Variants in ZNF528 observed in about 807,000 individuals in gnomAD.
The protein encoded by ZNF528 is zinc finger protein 528.
In ZNF528, 9 loss-of-function variants were observed where a neutral mutation model predicts 13.3. The ratio of observed to expected loss-of-function variants is 0.67; its 90% CI spans 0.41 to 1.18. The LOEUF is 1.18. Ranked by LOEUF, ZNF528 falls within the 50% of genes most tolerant of loss-of-function variation. The pLI is 0.01. For missense variants in ZNF528, 858 were observed against 745.4 expected, an observed-to-expected ratio of 1.15 and a Z score of -1.76; for synonymous variants, 264 against 254.3, an observed-to-expected ratio of 1.04 and a Z score of -0.36.
rs768040541 is a variant in ZNF528, at chr19:52,415,324, C to CA, written c.473dup (p.His158GlnfsTer5). 8 of 1,612,146 alleles carry CA rather than the reference C, an allele frequency of 5.0e-6. No individual in the cohort carries two copies. Among genetic ancestry groups the CA allele is most frequent in the Non-Finnish European group, 6.8e-6 (8 of 1,179,474 alleles). On this transcript the variant is annotated frameshift_variant, in exon 7 of 7. Coordinates refer to ENST00000360465, the MANE Select transcript of ZNF528 (RefSeq NM_032423.3). LOFTEE classifies it low-confidence loss of function (END_TRUNC). ...AAAAATTTCTTCCAGTGTCAAATCC[C>CA]ACCTTTTAAATAAATATAGAAATAA... is the stretch of plus-strand genomic sequence containing the variant.
chr19:52,414,301 C>T (rs1223725115), intron 6 of ZNF528: 1 of 702,526 alleles, frequency 1.4e-6, no homozygotes, highest in Admixed American at 2.0e-5. Flanking sequence ...TTCTGGGTCA[C>T]CAGTTGCCAC....
At chr19:52,400,687 T>C (rs1347084350) in intron 2 of ZNF528, among the ~76,000 whole-genome samples, 1 of 151,990 alleles carries the variant, frequency 6.6e-6, no homozygotes, top group Admixed American at 6.6e-5. Context: ...GCGTGGCTGA[T>C]TGAAAAAAAA....
At position 52,415,682 on chromosome 19, in the gene ZNF528, T is replaced by A. The variant is rs1307139100; in HGVS notation, c.830T>A (p.Val277Asp). The change falls in exon 7 of 7, where the codon GTC becomes GAC. Residue 277 changes from valine (V) to aspartate (D), a missense_variant. By Grantham distance (152) the Val-to-Asp change is radical (BLOSUM62 -3). Transcript: ENST00000360465. ...KPYKCHECDK[V>D]FRSSSKLAQH... ...TACAAATGTCATGAATGTGACAAGG[T>A]CTTTCGAAGCAGTTCAAAGCTTGCA... The A allele has an allele frequency of 6.2e-7, 1 of 1,614,128 alleles. No individual in the cohort carries two copies. The highest frequency in any genetic ancestry group is 1.1e-5 in the South Asian group (1 of 91,078).
chr19:52,403,990 G>A (rs2058826161), intron 4 of ZNF528, among the ~76,000 whole-genome samples: 1 of 152,028 alleles, frequency 6.6e-6, no homozygotes, highest in Non-Finnish European at 1.5e-5. Flanking sequence ...CTTTTAGGCA[G>A]TTTTGTGTTT....
chr19:52,414,165 G>T lies in ZNF528; in HGVS notation c.272-959G>T. ...ACTGACCTTATATCCGCTGCCAGCC[G>T]ACTCATCCAGGTTTCCCCATTCACC... On this transcript the variant is annotated intron_variant, in intron 6 of 6. Transcript: ENST00000360465. The T allele has an allele frequency of 4.3e-6, 3 of 701,442 alleles. No homozygotes were observed. In the South Asian group the frequency reaches 4.5e-5, roughly 10 times the overall value. 43.5% of individuals were successfully genotyped at this position (701,442 alleles called of 1,614,324 possible).
chr19:52,405,298 A>G (rs1464245804), intron 4 of ZNF528, among the ~76,000 whole-genome samples: 1 of 152,016 alleles, frequency 6.6e-6, no homozygotes, highest in Admixed American at 6.6e-5. Flanking sequence ...TGGGAGGCCA[A>G]GGTGGGAGGA....
intron 2 of ZNF528, among the ~76,000 whole-genome samples, chr19:52,399,176 G>C (rs2058762773): frequency 6.6e-6 from 1 of 152,154 alleles, no homozygotes; most frequent in Admixed American, 6.6e-5. Context: ...GAAAAAAGAT[G>C]AGAATGAGAG....
intron 4 of ZNF528, among the ~76,000 whole-genome samples, 164 bp downstream of exon 4, chr19:52,402,192 A>G (rs1447859842): frequency 1.3e-5 from 2 of 151,964 alleles, no homozygotes; most frequent in Admixed American, 6.6e-5. Flanking sequence ...ATTTCAGTTC[A>G]CTGTGACCCA....
At chr19:52,409,273 G>A (rs569064923) in intron 6 of ZNF528, among the ~76,000 whole-genome samples, 1 of 150,806 alleles carries the variant, frequency 6.6e-6, no homozygotes, top group Admixed American at 6.6e-5. Context: ...AATGTATTTG[G>A]GTTAATTTTA....
chr19:52,402,214 T>C (rs1408931507), intron 4 of ZNF528, among the ~76,000 whole-genome samples, 186 bp downstream of exon 4: 2 of 152,072 alleles, frequency 1.3e-5, no homozygotes, highest in African/African-American at 4.8e-5. Flanking sequence ...TGACATGAAC[T>C]TGGGAAGAGG....
chr19:52,414,045 C>T (rs2058966110), intron 6 of ZNF528: 1 of 584,622 alleles, frequency 1.7e-6, no homozygotes, highest in South Asian at 2.0e-5. Context: ...TTTCAACAGA[C>T]AAGTTCTGCC....
chr19:52,402,152 C>T, intron 4 of ZNF528, 124 bp downstream of exon 4: 1 of 1,356,874 alleles, frequency 7.4e-7, no homozygotes. Flanking sequence ...TTACCCATGG[C>T]TTCTTCCAGT....
chr19:52,409,646 T>C (rs546255427), intron 6 of ZNF528, among the ~76,000 whole-genome samples: 12 of 152,260 alleles, frequency 7.9e-5, no homozygotes, highest in African/African-American at 2.9e-4. Context: ...AATGTCCTTA[T>C]GTAGGCCTTG....
chr19:52,401,847 A>G, intron 3 of ZNF528, 94 bp downstream of exon 3: 2 of 1,528,074 alleles, frequency 1.3e-6, no homozygotes, highest in Non-Finnish European at 1.8e-6. Context: ...TCAAAGTTTG[A>G]GGATTACCTC....
chr19:52,414,083 C>G (rs2058966892), intron 6 of ZNF528: 1 of 616,690 alleles, frequency 1.6e-6, no homozygotes, highest in East Asian at 2.8e-5. Context: ...AGAAAACTTC[C>G]CGTTCGCAGT....
rs990533731 is a variant in ZNF528, at chr19:52,415,544, A to G, written c.692A>G (p.His231Arg). The G allele has an allele frequency of 8.1e-6, 13 of 1,614,218 alleles. No individual in the cohort carries two copies. The highest frequency in any genetic ancestry group is 3.3e-4 in the Middle Eastern group (2 of 6,062). ...VFSCSSKLVI[H>R]RRMHTGEKPY... ...AGTTGCAGTTCAAAGCTTGTGATAC[A>G]TCGAAGAATGCATACTGGAGAGAAG... The change falls in exon 7 of 7, where the codon CAT becomes CGT. Residue 231 changes from histidine (H) to arginine (R), a missense_variant. Transcript: ENST00000360465.
At chr19:52,404,417 G>A (rs2058830820) in intron 4 of ZNF528, among the ~76,000 whole-genome samples, 1 of 151,896 alleles carries the variant, frequency 6.6e-6, no homozygotes, top group South Asian at 2.1e-4. Flanking sequence ...TACTAGTGAT[G>A]GGGTTTCACC....
intron 4 of ZNF528, among the ~76,000 whole-genome samples, chr19:52,404,259 G>A (rs1425328231): frequency 4.6e-5 from 7 of 152,022 alleles, no homozygotes; most frequent in Admixed American, 4.6e-4. Context: ...GTGAAGTCTC[G>A]CTCTCTCACC....
Position 52,415,163 on chromosome 19 carries a change from CT to C in ZNF528, c.313del (p.Cys105ValfsTer13). ...TTGGGAAGTAATGCAGGAAACAAGC[CT>C]TGTAAAAATCAACTTGGATTCACTT... ...SKLGSNAGNK[P>X]CKNQLGFTFQ... On this transcript the variant is annotated frameshift_variant, in exon 7 of 7. Coordinates refer to ENST00000360465, the MANE Select transcript of ZNF528 (RefSeq NM_032423.3). LOFTEE classifies it low-confidence loss of function (END_TRUNC). 2 of 1,610,330 alleles carry C rather than the reference CT, an allele frequency of 1.2e-6. No individual in the cohort carries two copies. The highest frequency in any genetic ancestry group is 1.7e-6 in the Non-Finnish European group (2 of 1,178,182).
Sources: gnomAD v4.1 joint callset for allele counts (sites outside exome capture counted in the v4.1 genomes callset) on GRCh38, gnomAD v4.1.1 for gene constraint, MANE v1.5 for transcripts, NCBI Gene and HGNC (gene_info 2026-07-23, HGNC 2026-07-21) for gene names.